Variants in GDAP1L1 observed in about 807,000 individuals in gnomAD.
GDAP1L1 encodes ganglioside-induced differentiation-associated protein 1-like 1.
GDAP1L1 carries 21 observed loss-of-function variants against 37.1 expected under a neutral mutation model. That is an observed-to-expected ratio of 0.57 (90% CI 0.40 to 0.81). The LOEUF is 0.81. GDAP1L1 is among the 40% of genes least tolerant of loss of function. The pLI, the probability that GDAP1L1 is intolerant of heterozygous loss-of-function variation, is 0.00. For synonymous variants in GDAP1L1, 193 were observed against 209.1 expected, an observed-to-expected ratio of 0.92 and a Z score of 0.67; for missense variants, 362 against 491.6, an observed-to-expected ratio of 0.74 and a Z score of 2.49.
chr20:44,253,859 A>G (rs1021415098), intron 1 of GDAP1L1, among the ~76,000 whole-genome samples: 1 of 152,220 alleles, frequency 6.6e-6, no homozygotes, highest in African/African-American at 2.4e-5. Flanking sequence ...TCATGCCTCT[A>G]AAGATATAGT....
intron 2 of GDAP1L1, among the ~76,000 whole-genome samples, chr20:44,257,996 G>A (rs73906997): frequency 3.9e-5 from 6 of 152,064 alleles, no homozygotes; most frequent in Non-Finnish European, 7.4e-5. Flanking sequence ...CTCTCCCCTC[G>A]TAGGCCCTCC....
intron 5 of GDAP1L1, among the ~76,000 whole-genome samples, chr20:44,276,349 A>AAAG (rs1323343574): frequency 7.0e-6 from 1 of 142,794 alleles, no homozygotes; most frequent in Non-Finnish European, 1.5e-5. Context: ...AAAGAAAGAA[A>AAAG]GAAGGAAAGG....
upstream of GDAP1L1, chr20:44,247,185 C>T (rs928188845): frequency 5.3e-5 from 41 of 774,540 alleles, no homozygotes; most frequent in African/African-American, 6.8e-4. Flanking sequence ...TCCCCTCGCC[C>T]CCTCCCCCAA....
At chr20:44,247,210 A>C (rs959395427), upstream of GDAP1L1, 3 of 957,270 alleles carry the variant, frequency 3.1e-6, no homozygotes, top group Non-Finnish European at 1.6e-6. Context: ...CCGGTGAGTA[A>C]TGACATTCAC....
At chr20:44,275,184 C>T (rs1388597175) in intron 5 of GDAP1L1, among the ~76,000 whole-genome samples, 1 of 152,198 alleles carries the variant, frequency 6.6e-6, no homozygotes, top group Admixed American at 6.5e-5. Context: ...TGAGCCACTG[C>T]ACCCAGCCTC....
chr20:44,260,054 C>A (rs2073644125), intron 3 of GDAP1L1, among the ~76,000 whole-genome samples: 1 of 152,156 alleles, frequency 6.6e-6, no homozygotes, highest in Non-Finnish European at 1.5e-5. Flanking sequence ...GATTACCCTG[C>A]AGTTACACTT....
intron 5 of GDAP1L1, 146 bp from the exon 6 acceptor site, chr20:44,278,811 G>A (rs376541035): frequency 3.6e-5 from 21 of 590,766 alleles, no homozygotes; most frequent in African/African-American, 1.8e-4. Context: ...TGAGGATATG[G>A]CAAAAATCAC....
At chr20:44,260,126 G>A (rs1352943668) in intron 3 of GDAP1L1, among the ~76,000 whole-genome samples, 2 of 152,174 alleles carry the variant, frequency 1.3e-5, no homozygotes, top group African/African-American at 4.8e-5. Context: ...GCAAGAGCAA[G>A]AATATCGCTG....
At position 44,257,205 on chromosome 20, in the gene GDAP1L1, G is replaced by A. The variant is rs770726656; in HGVS notation, c.233G>A (p.Ser78Asn). The stretch of plus-strand genomic sequence containing the variant: ...CTGGTGTGCGAGGAGCGGGACGTGA[G>A]CCTGCCACAGAGCGAGCACAAGGAG... Reference protein sequence around the residue: ...KGLVCEERDVSLPQSEHKEPW... With the variant: ...KGLVCEERDVNLPQSEHKEPW... Residue 78 changes from serine to asparagine, a missense_variant, in exon 2 of 6, where the codon AGC becomes AAC. Transcript: ENST00000342560. The A allele has an allele frequency of 1.7e-5, 28 of 1,610,312 alleles. No individual in the cohort carries two copies. Among genetic ancestry groups the A allele is most frequent in the Non-Finnish European group, 2.1e-5 (25 of 1,178,834 alleles).
At chr20:44,253,235 A>G (rs2073478735) in intron 1 of GDAP1L1, among the ~76,000 whole-genome samples, 1 of 152,180 alleles carries the variant, frequency 6.6e-6, no homozygotes, top group South Asian at 2.1e-4. Flanking sequence ...CCCTGAGGGC[A>G]GGGATCATTG....
intron 5 of GDAP1L1, chr20:44,265,496 G>C (rs2073747799): frequency 3.0e-6 from 3 of 985,008 alleles, no homozygotes; most frequent in Non-Finnish European, 3.6e-6. Flanking sequence ...GAAGGCCGTA[G>C]AGCCCAGGGT....
chr20:44,279,504 TAA>T lies in GDAP1L1; in HGVS notation c.*207_*208del. 4.2e-6 allele frequency: 3 copies of T among 707,294 alleles called. No individual in the cohort carries two copies. In the Admixed American group the frequency reaches 6.0e-5, roughly 14 times the overall value. The allele number at this position is 707,294 out of a possible 1,614,324, so 43.8% of individuals were successfully genotyped here. A position where few individuals can be genotyped will look rare whatever the true frequency, so the allele number is the denominator to read the frequency against. On this transcript the variant is annotated 3_prime_UTR_variant, in exon 6 of 6. Coordinates refer to ENST00000342560, the MANE Select transcript of GDAP1L1 (RefSeq NM_024034.6). Reference sequence around the variant, plus strand: ...CTGTGACTCAAGGCCACGGCTCTACTAAAAGAGAGAGAGGAAGCGAGAGAGAG... The same window carrying T: ...CTGTGACTCAAGGCCACGGCTCTACTAAGAGAGAGAGGAAGCGAGAGAGAG...
chr20:44,261,775 A>C (rs1469789579), intron 3 of GDAP1L1, among the ~76,000 whole-genome samples: 1 of 152,184 alleles, frequency 6.6e-6, no homozygotes, highest in Non-Finnish European at 1.5e-5. Flanking sequence ...GTAGGGCGTA[A>C]ACTGGGGAAC....
rs1030363971 is a variant in GDAP1L1, at chr20:44,258,471, G to A, written c.411G>A (p.Leu137=). ...CCCTGATGCCCGAGGTGGGCAGCCTGCAGCACGCACGGGTGCTGCAGTACC... is the reference window on the plus strand; with the variant it reads ...CCCTGATGCCCGAGGTGGGCAGCCTACAGCACGCACGGGTGCTGCAGTACC... ...VVALMPEVGS[L]QHARVLQYRE... Residue 137 remains leucine (L), a synonymous_variant, in exon 3 of 6, where the codon CTG becomes CTA. Transcript: ENST00000342560. 2.2e-5 allele frequency: 34 copies of A among 1,555,120 alleles called. No homozygotes were observed. The Admixed American group carries it at 2.7e-4, about 12-fold the overall frequency.
At chr20:44,261,292 G>A (rs1254405740) in intron 3 of GDAP1L1, among the ~76,000 whole-genome samples, 1 of 140,684 alleles carries the variant, frequency 7.1e-6, no homozygotes. Flanking sequence ...TGGGTGACAC[G>A]CAAGAAAGAT....
At chr20:44,247,691 A>G (rs2073358564) in intron 1 of GDAP1L1, among the ~76,000 whole-genome samples, 177 bp downstream of exon 1, 1 of 149,766 alleles carries the variant, frequency 6.7e-6, no homozygotes, top group Non-Finnish European at 1.5e-5. Context: ...GGGAAGCGAC[A>G]GGCCCTGTCT....
chr20:44,251,942 A>G (rs2073452309), intron 1 of GDAP1L1, among the ~76,000 whole-genome samples: 1 of 152,224 alleles, frequency 6.6e-6, no homozygotes, highest in South Asian at 2.1e-4. Context: ...CGGTCTCATA[A>G]CAACTGTCAT....
intron 4 of GDAP1L1, among the ~76,000 whole-genome samples, chr20:44,263,574 T>A (rs2073711198): frequency 6.6e-6 from 1 of 152,236 alleles, no homozygotes; most frequent in African/African-American, 2.4e-5. Context: ...CCAGGCATGG[T>A]GGCTCACTCC....
chr20:44,276,412 A>G (rs955709941), intron 5 of GDAP1L1, among the ~76,000 whole-genome samples: 9 of 113,304 alleles, frequency 7.9e-5, no homozygotes, highest in African/African-American at 3.2e-4. Flanking sequence ...AGAAAAAAGA[A>G]AAAGAAAGAA....
Sources: gnomAD v4.1 joint callset for allele counts (sites outside exome capture counted in the v4.1 genomes callset) on GRCh38, gnomAD v4.1.1 for gene constraint, MANE v1.5 for transcripts, NCBI Gene and HGNC (gene_info 2026-07-23, HGNC 2026-07-21) for gene names.